Variants in NDUFA9 observed in about 807,000 individuals in gnomAD.
NDUFA9 encodes the protein NADH:ubiquinone oxidoreductase subunit A9.
In NDUFA9, 23 loss-of-function variants were observed where a neutral mutation model predicts 45.9. The observed-to-expected ratio is 0.50, with a 90% CI of 0.36 to 0.71. The LOEUF (loss-of-function observed/expected upper bound fraction) is 0.71. NDUFA9 is among the 30% of genes least tolerant of loss of function. The pLI, the probability that NDUFA9 is intolerant of heterozygous loss-of-function variation, is 0.00. For missense variants in NDUFA9, 466 were observed against 488.2 expected, an observed-to-expected ratio of 0.95 and a Z score of 0.43; for synonymous variants, 176 against 170.5, an observed-to-expected ratio of 1.03 and a Z score of -0.25.
intron 8 of NDUFA9, among the ~76,000 whole-genome samples, chr12:4,676,527 G>A (rs1945921050): frequency 6.6e-6 from 1 of 152,166 alleles, no homozygotes; most frequent in Admixed American, 6.5e-5. Context: ...CAAATCATGA[G>A]TGAACTTTCA....
chr12:4,665,090 T>C (rs1013122207), intron 6 of NDUFA9, among the ~76,000 whole-genome samples: 2 of 152,212 alleles, frequency 1.3e-5, no homozygotes, highest in Non-Finnish European at 2.9e-5. Context: ...CTTTGGAGTT[T>C]AGAGTCTTGA....
At chr12:4,654,554 A>G (rs1945778271) in intron 2 of NDUFA9, 92 bp downstream of exon 2, 3 of 1,411,146 alleles carry the variant, frequency 2.1e-6, no homozygotes, top group African/African-American at 2.8e-5. Flanking sequence ...TCATTTTAAC[A>G]GTATTATGAA....
intron 8 of NDUFA9, among the ~76,000 whole-genome samples, chr12:4,680,882 C>T (rs1467453833): frequency 1.3e-5 from 2 of 152,138 alleles, no homozygotes; most frequent in Non-Finnish European, 2.9e-5. Context: ...ATTATAAGCA[C>T]TGATACTTAT....
chr12:4,684,841 C>T, intron 9 of NDUFA9: 1 of 356,142 alleles, frequency 2.8e-6, no homozygotes, highest in Non-Finnish European at 5.0e-6. Flanking sequence ...CCCCAGCTTT[C>T]AGGGGTTACG....
rs1315865403 is a variant in NDUFA9, at chr12:4,693,248, A to G, written c.*6140A>G. 1.3e-5 allele frequency: 2 copies of G among 152,184 alleles called. No homozygotes were observed. The highest frequency in any genetic ancestry group is 4.8e-5 in the African/African-American group (2 of 41,446). The allele number at this position is 152,184 out of a possible 1,614,324, so 9.4% of individuals were successfully genotyped here. A position where few individuals can be genotyped will look rare whatever the true frequency, so the allele number is the denominator to read the frequency against. The stretch of plus-strand genomic sequence containing the variant: ...AATGAGGTGGGAAGTCTTTCTTTAC[A>G]CTTAGATGAAAACTCCATCGGACCC... On this transcript the variant is annotated 3_prime_UTR_variant, in exon 11 of 11. Coordinates refer to ENST00000266544, the MANE Select transcript of NDUFA9 (RefSeq NM_005002.5).
Position 4,659,048 on chromosome 12 carries a change from T to C in NDUFA9, c.423T>C (p.Phe141=). 1 of 1,612,990 alleles carries C rather than the reference T, an allele frequency of 6.2e-7. No homozygotes were observed. Residue 141 remains phenylalanine, a synonymous_variant, in exon 5 of 11, where the codon TTT becomes TTC. Transcript: ENST00000266544. The part of the protein sequence containing the change: ...GRDWETKNFD[F]EDVFVKIPQA... ...TTTTATCTTCCAGAAACTTTGATTT[T>C]GAGGATGTTTTTGTGAAGATTCCCC...
Position 4,649,138 on chromosome 12 carries a change from C to T in NDUFA9, c.12C>T (p.Ala4=), listed in dbSNP as rs777895420. The T allele has an allele frequency of 2.5e-6, 4 of 1,604,402 alleles. No individual in the cohort carries two copies. In the South Asian group the frequency reaches 3.4e-5, roughly 14 times the overall value. MAA[A]AQSRVVRVLS... is the part of the protein sequence containing the mutation. ...GATTGTGGGAAAAGATGGCGGCTGC[C>T]GCACAATCCCGGGTTGTCCGGGTCC... The change falls in exon 1 of 11, where the codon GCC becomes GCT. Residue 4 remains alanine, a synonymous_variant. Transcript: ENST00000266544.
At chr12:4,675,957 G>C (rs1012441074) in intron 8 of NDUFA9, among the ~76,000 whole-genome samples, 3 of 152,146 alleles carry the variant, frequency 2.0e-5, no homozygotes, top group Non-Finnish European at 4.4e-5. Context: ...GATAAAGTTG[G>C]CTTCATCCGG....
At chr12:4,650,051 C>T (rs957741502) in intron 1 of NDUFA9, among the ~76,000 whole-genome samples, 3 of 152,188 alleles carry the variant, frequency 2.0e-5, no homozygotes, top group African/African-American at 7.2e-5. Context: ...TACAGAATAT[C>T]ATTTGCTTTC....
Position 4,654,401 on chromosome 12 carries a change from G to C in NDUFA9, c.159G>C (p.Gly53=). ...AAGGTGGACGTTCCTCAGTCAGTGGGATTGTGGCCACTGTGTTTGGAGCAA... is the reference window on the plus strand; with the variant it reads ...AAGGTGGACGTTCCTCAGTCAGTGGCATTGTGGCCACTGTGTTTGGAGCAA... ...HGKGGRSSVS[G]IVATVFGATG... is the part of the protein sequence containing the mutation. The change falls in exon 2 of 11, where the codon GGG becomes GGC. Residue 53 remains glycine (G), a synonymous_variant. Coordinates refer to ENST00000266544, the MANE Select transcript of NDUFA9 (RefSeq NM_005002.5). The C allele has an allele frequency of 6.2e-7, 1 of 1,614,156 alleles. No individual in the cohort carries two copies. Among genetic ancestry groups the C allele is most frequent in the Middle Eastern group, 1.6e-4 (1 of 6,062 alleles).
chr12:4,677,251 C>T (rs182129190), intron 8 of NDUFA9, among the ~76,000 whole-genome samples: 14 of 152,274 alleles, frequency 9.2e-5, no homozygotes, highest in African/African-American at 1.4e-4. Context: ...GCAAAGACTT[C>T]GTAATTAAAA....
chr12:4,685,425 C>T, intron 10 of NDUFA9, 100 bp downstream of exon 10: 1 of 1,106,268 alleles, frequency 9.0e-7, no homozygotes, highest in Non-Finnish European at 1.3e-6. Flanking sequence ...TGTCTGTTTG[C>T]TGTTCTTGCT....
rs372111850 is a variant in NDUFA9, at chr12:4,654,835, G to A, written c.231G>A (p.Gly77=). ...TCCATTCTCTTTTAGGACGCATGGG[G>A]TCACAGGTAATCATACCCTATCGGT... The part of the protein sequence containing the change: ...RYVVNHLGRM[G]SQVIIPYRCD... The change falls in exon 3 of 11, where the codon GGG becomes GGA. Residue 77 remains glycine, a synonymous_variant. Transcript: ENST00000266544. The A allele has an allele frequency of 2.5e-6, 4 of 1,612,464 alleles. No homozygotes were observed. Among genetic ancestry groups the A allele is most frequent in the Non-Finnish European group, 3.4e-6 (4 of 1,179,322 alleles).
intron 1 of NDUFA9, among the ~76,000 whole-genome samples, chr12:4,652,749 A>G (rs903892465): frequency 3.9e-5 from 6 of 152,248 alleles, no homozygotes; most frequent in African/African-American, 1.4e-4. Context: ...CCTATGCAGC[A>G]CTTAGAATAA....
Position 4,669,749 on chromosome 12 carries a change from T to A in NDUFA9, c.732T>A (p.Asp244Glu). 1.9e-6 allele frequency: 3 copies of A among 1,604,150 alleles called. No individual in the cohort carries two copies. Among genetic ancestry groups the A allele is most frequent in the Non-Finnish European group, 2.6e-6 (3 of 1,171,134 alleles). ...KTVKQPVYVV[D>E]VSKGIVNAVK... ...ATTATAATTTCTTACAGGTCGTAGATGTATCCAAAGGAATTGTTAATGCAG... is the reference window on the plus strand; with the variant it reads ...ATTATAATTTCTTACAGGTCGTAGAAGTATCCAAAGGAATTGTTAATGCAG... The change falls in exon 8 of 11, where the codon GAT (aspartate) becomes GAA (glutamate). Residue 244 changes from aspartate (D) to glutamate (E), a missense_variant. Coordinates refer to ENST00000266544, the MANE Select transcript of NDUFA9 (RefSeq NM_005002.5).
In NDUFA9 at chr12:4,688,062, T is replaced by G. The variant is rs1467621770; in HGVS notation, c.*954T>G. ...GAGAAAGGTATATCAGTGTTGAAGG[T>G]AAGTTCTCCACCTGCCCTTTCTGCC... On this transcript the variant is annotated 3_prime_UTR_variant, in exon 11 of 11. Transcript: ENST00000266544. 1 of 152,212 alleles carries G rather than the reference T, an allele frequency of 6.6e-6. No homozygotes were observed. The highest frequency in any genetic ancestry group is 1.5e-5 in the Non-Finnish European group (1 of 68,058). The allele number at this position is 152,212 out of a possible 1,614,324, so 9.4% of individuals were successfully genotyped here. A position where few individuals can be genotyped will look rare whatever the true frequency, so the allele number is the denominator to read the frequency against.
chr12:4,669,875 T>G (rs1342979486), intron 8 of NDUFA9, 58 bp downstream of exon 8: 13 of 1,184,790 alleles, frequency 1.1e-5, no homozygotes, highest in Non-Finnish European at 1.4e-5. Flanking sequence ...AATCAATATC[T>G]AAATTAGTTA....
Position 4,662,595 on chromosome 12 carries a change from CA to C in NDUFA9, c.616del (p.Ile206SerfsTer38). ...AAGCCATTATCGTAAAGCCGTCGGA[CA>C]TCTTTGGAAGAGAGGATAGATTCCT... Reference protein sequence around the residue: ...PEAIIVKPSDIFGREDRFLNS... With the variant: ...PEAIIVKPSDXFGREDRFLNS... On this transcript the variant is annotated frameshift_variant, in exon 6 of 11. Coordinates refer to ENST00000266544, the MANE Select transcript of NDUFA9 (RefSeq NM_005002.5). LOFTEE classifies it high-confidence loss of function. 6.2e-7 allele frequency: 1 copy of C among 1,613,902 alleles called. No individual in the cohort carries two copies. The highest frequency in any genetic ancestry group is 8.5e-7 in the Non-Finnish European group (1 of 1,179,846).
intron 4 of NDUFA9, 125 bp downstream of exon 4, chr12:4,657,964 T>C: frequency 1.3e-6 from 1 of 756,692 alleles, no homozygotes; most frequent in Non-Finnish European, 2.3e-6. Flanking sequence ...AAGGGTTGGT[T>C]GAACAACCAC....
Sources: gnomAD v4.1 joint callset for allele counts (sites outside exome capture counted in the v4.1 genomes callset) on GRCh38, gnomAD v4.1.1 for gene constraint, MANE v1.5 for transcripts, NCBI Gene and HGNC (gene_info 2026-07-23, HGNC 2026-07-21) for gene names.